WWOX: variants seen among roughly 807,000 people sequenced by gnomAD.
WWOX encodes WW domain-containing oxidoreductase.
A neutral mutation model predicts 46.2 loss-of-function variants in WWOX; 69 were observed. The observed-to-expected ratio is 1.49, with a 90% confidence interval of 1.23 to 1.82. WWOX has a LOEUF of 1.82. Ranked by LOEUF, WWOX falls within the 40% of genes most tolerant of loss-of-function variation. The probability of loss-of-function intolerance (pLI) is 0.00; values close to 1 mark genes in which losing one functional copy is unlikely to be tolerated. For synonymous variants in WWOX, 359 were observed against 202.6 expected, an observed-to-expected ratio of 1.77 and a Z score of -6.56; for missense variants, 919 against 542.6, an observed-to-expected ratio of 1.69 and a Z score of -6.89.
intron 8 of WWOX, among the ~76,000 whole-genome samples, chr16:78,886,083 C>A (rs967400182): frequency 6.6e-6 from 1 of 151,900 alleles, no homozygotes; most frequent in Non-Finnish European, 1.5e-5. Flanking sequence ...CGCCACCACA[C>A]CAGGCTAATT....
intron 8 of WWOX, among the ~76,000 whole-genome samples, chr16:78,888,892 C>T (rs1048983245): frequency 6.6e-6 from 1 of 152,068 alleles, no homozygotes; most frequent in Admixed American, 6.6e-5. Context: ...TCTAATTTCT[C>T]TTCCATTCCT....
intron 8 of WWOX, among the ~76,000 whole-genome samples, chr16:79,003,104 A>ACTTTT: frequency 6.6e-6 from 1 of 152,178 alleles, no homozygotes; most frequent in Admixed American, 6.5e-5. Context: ...ACCTCCTTCC[A>ACTTTT]GAACCCTCTT....
At chr16:78,951,283 C>T (rs889190202) in intron 8 of WWOX, among the ~76,000 whole-genome samples, 1 of 152,150 alleles carries the variant, frequency 6.6e-6, no homozygotes, top group South Asian at 2.1e-4. Context: ...GGCCAGCATG[C>T]GCCCATAGCC....
At chr16:78,715,015 G>C (rs977493749) in intron 8 of WWOX, among the ~76,000 whole-genome samples, 2 of 152,132 alleles carry the variant, frequency 1.3e-5, no homozygotes, top group African/African-American at 4.8e-5. Flanking sequence ...GCCTGGGTGT[G>C]GTGGCTCATA....
chr16:78,691,194 G>C (rs1255591548), intron 8 of WWOX: 1 of 701,602 alleles, frequency 1.4e-6, no homozygotes, highest in East Asian at 2.7e-5. Context: ...ATAGATGTAG[G>C]TCCAGCGCCT....
chr16:78,402,923 T>A (rs1462447878), intron 6 of WWOX, among the ~76,000 whole-genome samples: 1 of 152,188 alleles, frequency 6.6e-6, no homozygotes, highest in Non-Finnish European at 1.5e-5. Flanking sequence ...CCAAGTGCCA[T>A]TCTCCAGCAA....
At chr16:79,073,727 T>A (rs973762577) in intron 8 of WWOX, among the ~76,000 whole-genome samples, 3 of 152,140 alleles carry the variant, frequency 2.0e-5, no homozygotes, top group African/African-American at 7.2e-5. Flanking sequence ...TTCTAGTAAA[T>A]GGGACGTTAG....
intron 8 of WWOX, among the ~76,000 whole-genome samples, chr16:79,188,153 C>A (rs1429202022): frequency 6.6e-6 from 1 of 152,122 alleles, no homozygotes; most frequent in Non-Finnish European, 1.5e-5. Context: ...GAAGAAAACC[C>A]ACGAAGTCTT....
intron 8 of WWOX, among the ~76,000 whole-genome samples, chr16:79,122,894 C>T (rs748459310): frequency 2.0e-5 from 3 of 152,196 alleles, no homozygotes; most frequent in African/African-American, 7.2e-5. Context: ...CTTGCAATGG[C>T]CACCTCAACT....
intron 8 of WWOX, among the ~76,000 whole-genome samples, chr16:78,544,307 C>G (rs1259132633): frequency 2.0e-5 from 3 of 152,174 alleles, no homozygotes; most frequent in Non-Finnish European, 4.4e-5. Context: ...AAATCCAACT[C>G]CTTAATAATA....
chr16:78,170,543 C>T (rs187008082), intron 5 of WWOX, among the ~76,000 whole-genome samples: 14 of 152,328 alleles, frequency 9.2e-5, no homozygotes, highest in Admixed American at 3.3e-4. Flanking sequence ...AGATGTTTAT[C>T]AGCCTGATTT....
rs145381142 is a variant in WWOX, at chr16:78,280,135, T to C, written c.517-106725T>C. Among the ~76,000 whole-genome samples the C allele has an allele frequency of 3.5e-3, 533 of 152,362 alleles. 1 individual carries two copies. Among genetic ancestry groups the C allele is most frequent in the African/African-American group, 0.012 (501 of 41,578 alleles). ...CCAACTGGGGGAACAATTTAGCTGT[T>C]GTGGGATTTCCCTTTAAATTAAATA... On this transcript the variant is annotated intron_variant, in intron 5 of 8. Coordinates refer to ENST00000566780, the MANE Select transcript of WWOX (RefSeq NM_016373.4).
chr16:78,891,054 G>C (rs1346428808), intron 8 of WWOX: 1 of 152,108 alleles, frequency 6.6e-6, no homozygotes, highest in Non-Finnish European at 1.5e-5. Flanking sequence ...TGGCTAGTCT[G>C]TTTCATAGTG....
chr16:78,186,458 C>T (rs991243568), intron 5 of WWOX, among the ~76,000 whole-genome samples: 3 of 152,116 alleles, frequency 2.0e-5, no homozygotes, highest in Non-Finnish European at 2.9e-5. Flanking sequence ...TCTTTACATT[C>T]GTCTTTTAAA....
chr16:78,949,901 A>T (rs2046024215), intron 8 of WWOX, among the ~76,000 whole-genome samples: 2 of 152,214 alleles, frequency 1.3e-5, no homozygotes, highest in Admixed American at 6.5e-5. Context: ...TAGTAGCAGC[A>T]GTATTTATCT....
intron 8 of WWOX, among the ~76,000 whole-genome samples, chr16:79,151,008 G>A (rs1309130801): frequency 6.6e-6 from 1 of 152,130 alleles, no homozygotes; most frequent in Non-Finnish European, 1.5e-5. Context: ...ACGTTGCACA[G>A]GAATTATTTC....
intron 5 of WWOX, among the ~76,000 whole-genome samples, chr16:78,243,988 A>T (rs1471684850): frequency 1.3e-5 from 2 of 152,240 alleles, no homozygotes; most frequent in South Asian, 4.2e-4. Flanking sequence ...TCTCCACTCT[A>T]CCGTTTGATG....
intron 8 of WWOX, among the ~76,000 whole-genome samples, chr16:78,954,143 G>C (rs953869103): frequency 8.5e-5 from 13 of 152,130 alleles, no homozygotes; most frequent in Non-Finnish European, 1.8e-4. Context: ...CCATAAAAAT[G>C]TCTGTCAGAG....
intron 8 of WWOX, among the ~76,000 whole-genome samples, chr16:78,754,016 A>G (rs1455226140): frequency 6.6e-6 from 1 of 151,526 alleles, no homozygotes; most frequent in African/African-American, 2.4e-5. Context: ...TGATTATTAA[A>G]TTATCATTAA....
Sources: gnomAD v4.1 joint callset for allele counts (sites outside exome capture counted in the v4.1 genomes callset) on GRCh38, gnomAD v4.1.1 for gene constraint, MANE v1.5 for transcripts, NCBI Gene and HGNC (gene_info 2026-07-23, HGNC 2026-07-21) for gene names.